Variants in CDH17 observed in about 807,000 individuals in gnomAD.
CDH17 encodes the protein cadherin-17.
CDH17 carries 67 observed loss-of-function variants against 86.3 expected under a neutral mutation model. The observed-to-expected ratio is 0.78, with a 90% CI of 0.64 to 0.95. The LOEUF is 0.95. CDH17 is among the 40% of genes least tolerant of loss of function. The pLI is 0.00. For synonymous variants in CDH17, 367 were observed against 366.4 expected (o/e 1.00, Z -0.02); for missense variants, 993 against 1,017.6 (o/e 0.98, Z 0.33).
chr8:94,190,179 A>G (rs1342978674), intron 2 of CDH17, among the ~76,000 whole-genome samples: 1 of 152,232 alleles, frequency 6.6e-6, no homozygotes, highest in African/African-American at 2.4e-5. Context: ...GATGACACTA[A>G]GACCCAAAGA....
intron 15 of CDH17, among the ~76,000 whole-genome samples, chr8:94,131,217 TACTAA>T (rs1812409940): frequency 6.6e-6 from 1 of 152,226 alleles, no homozygotes; most frequent in African/African-American, 2.4e-5. Flanking sequence ...TAGAAATTTA[TACTAA>T]ATATAGTCAA....
chr8:94,135,898 C>G (rs1812513861), intron 15 of CDH17, among the ~76,000 whole-genome samples: 1 of 152,156 alleles, frequency 6.6e-6, no homozygotes, highest in African/African-American at 2.4e-5. Flanking sequence ...GATTTTATTT[C>G]TCCTTCACTT....
At chr8:94,179,599 C>T (rs144741462) in intron 3 of CDH17, among the ~76,000 whole-genome samples, 15 of 152,300 alleles carry the variant, frequency 9.8e-5, no homozygotes, top group African/African-American at 2.9e-4. Context: ...AAAGTGAAGG[C>T]GAAGGCAGAG....
rs375409198 is a variant in CDH17 at position 94,170,980 on chromosome 8, C to T, written c.789G>A (p.Arg263=). ...AATATTGTGCACCGGGATCATTCCA[C>T]CGCACCTACAGGGCCCAAAGTCAGT... ...DPHPIKITQV[R]WNDPGAQYSL... The change falls in exon 8 of 18, where the codon CGG becomes CGA. Residue 263 remains arginine (R), a synonymous_variant. Transcript: ENST00000027335. 1.7e-5 allele frequency: 27 copies of T among 1,613,432 alleles called. No homozygotes were observed. Among genetic ancestry groups the T allele is most frequent in the Non-Finnish European group, 2.2e-5 (26 of 1,179,716 alleles).
intron 15 of CDH17, among the ~76,000 whole-genome samples, chr8:94,136,497 T>C (rs1489205799): frequency 6.6e-6 from 1 of 152,230 alleles, no homozygotes; most frequent in Non-Finnish European, 1.5e-5. Context: ...TATCAGGTCA[T>C]TTAAGGTCTT....
intron 15 of CDH17, among the ~76,000 whole-genome samples, chr8:94,132,148 G>A (rs1387966166): frequency 1.3e-5 from 2 of 152,178 alleles, no homozygotes; most frequent in Non-Finnish European, 2.9e-5. Context: ...ACGTGTGCAC[G>A]TGTCTTTATA....
chr8:94,172,588 G>A (rs1813290497), intron 7 of CDH17, among the ~76,000 whole-genome samples: 1 of 152,056 alleles, frequency 6.6e-6, no homozygotes, highest in Non-Finnish European at 1.5e-5. Context: ...ATGAGACATT[G>A]GGGCTCAGAA....
At position 94,173,638 on chromosome 8, in the gene CDH17, T is replaced by C. The variant is rs1051437035; in HGVS notation, c.783+159A>G. Among the ~76,000 whole-genome samples, 28 of 152,210 alleles carry C rather than the reference T, an allele frequency of 1.8e-4. 1 individual carries two copies. The highest frequency in any genetic ancestry group is 1.2e-3 in the Admixed American group (18 of 15,284). The stretch of plus-strand genomic sequence containing the variant: ...TGCCTGCCCATGATGCATGGTCAAG[T>C]CCAGTGACTCGGGGCCAGAGGCTAT... On this transcript the variant is annotated intron_variant, in intron 7 of 17. Coordinates refer to ENST00000027335, the MANE Select transcript of CDH17 (RefSeq NM_004063.4).
chr8:94,168,739 T>C (rs1813214107), intron 9 of CDH17, among the ~76,000 whole-genome samples: 1 of 152,080 alleles, frequency 6.6e-6, no homozygotes, highest in South Asian at 2.1e-4. Context: ...ACTATCCTCT[T>C]CCCAGATGAG....
chr8:94,131,896 C>T (rs916270103), intron 15 of CDH17, among the ~76,000 whole-genome samples: 1 of 152,112 alleles, frequency 6.6e-6, no homozygotes, highest in Admixed American at 6.5e-5. Flanking sequence ...TCTCATTGTT[C>T]AATTCCCACC....
intron 1 of CDH17, among the ~76,000 whole-genome samples, chr8:94,216,807 TACA>T (rs1814201913): frequency 6.6e-6 from 1 of 152,208 alleles, no homozygotes; most frequent in African/African-American, 2.4e-5. Flanking sequence ...TTTTTCTCAG[TACA>T]AATAAGTTTT....
At chr8:94,193,999 C>T (rs1184577226) in intron 2 of CDH17, among the ~76,000 whole-genome samples, 1 of 151,224 alleles carries the variant, frequency 6.6e-6, no homozygotes, top group Non-Finnish European at 1.5e-5. Context: ...TTTCATAATG[C>T]AGCAATTTTG....
intron 1 of CDH17, among the ~76,000 whole-genome samples, chr8:94,206,639 ATTTTT>A (rs35064887): frequency 1.1e-4 from 14 of 130,396 alleles, no homozygotes; most frequent in Non-Finnish European, 1.6e-4. Flanking sequence ...CATCATCCAG[ATTTTT>A]TTTTTTTTTT....
At chr8:94,141,149 A>G (rs1393915627) in intron 15 of CDH17, among the ~76,000 whole-genome samples, 1 of 152,142 alleles carries the variant, frequency 6.6e-6, no homozygotes, top group Admixed American at 6.6e-5. Flanking sequence ...GAATAAGGTG[A>G]TTTTTAGATT....
chr8:94,202,693 T>A (rs1813942458), intron 1 of CDH17: 1 of 155,964 alleles, frequency 6.4e-6, no homozygotes, highest in Non-Finnish European at 1.4e-5. Context: ...GCAGAGTTTC[T>A]TGCGATGGCT....
In CDH17 at chr8:94,170,740, G is replaced by T. The variant is rs1813253333; in HGVS notation, c.915+114C>A. 8 of 1,381,062 alleles carry T rather than the reference G, an allele frequency of 5.8e-6. No individual in the cohort carries two copies. The Admixed American group carries it at 1.8e-4, about 31-fold the overall frequency. 85.6% of individuals were successfully genotyped at this position (1,381,062 alleles called of 1,614,324 possible). On this transcript the variant is annotated intron_variant, in intron 8 of 17. Coordinates refer to ENST00000027335, the MANE Select transcript of CDH17 (RefSeq NM_004063.4). ...TGTCTTTGAAAACCAATAATATGCT[G>T]GAGTCTGAAATGTGTGTTTTTTTTT...
At chr8:94,199,079 ATATATTTTTTTT>A (rs1401376781) in intron 1 of CDH17, among the ~76,000 whole-genome samples, 1 of 8,898 alleles carries the variant, frequency 1.1e-4, no homozygotes, top group African/African-American at 2.5e-4. Flanking sequence ...ATATATATAT[ATATATTTTTTTT>A]TTTTTATCAT....
chr8:94,174,443 G>T (rs1057172290), intron 5 of CDH17, among the ~76,000 whole-genome samples, 183 bp from the exon 6 acceptor site: 3 of 152,066 alleles, frequency 2.0e-5, no homozygotes, highest in African/African-American at 7.2e-5. Context: ...GTTTCTCAAG[G>T]TCTGGTCCAA....
Position 94,160,050 on chromosome 8 carries a change from A to T in CDH17, c.1472T>A (p.Ile491Asn), listed in dbSNP as rs1055501733. The change falls in exon 12 of 18, where the codon ATC becomes AAC. Residue 491 changes from isoleucine to asparagine, a missense_variant. Transcript: ENST00000027335. ...GCGTCCCTCACTGTCTCCCTTTATG[A>T]TATGATACAGAATTTTAGAACTCCC... ...FTGSSKILYH[I>N]IKGDSEGRLG... The T allele has an allele frequency of 1.5e-5, 24 of 1,613,858 alleles. No homozygotes were observed. Among genetic ancestry groups the T allele is most frequent in the Non-Finnish European group, 2.0e-5 (24 of 1,179,854 alleles).
Sources: allele counts gnomAD v4.1 joint callset (sites outside exome capture counted in the v4.1 genomes callset), GRCh38; gene constraint gnomAD v4.1.1; transcripts MANE v1.5; gene names NCBI Gene and HGNC (gene_info 2026-07-23, HGNC 2026-07-21).